Variants in OR5AN1 observed in about 807,000 individuals in gnomAD.
The protein encoded by OR5AN1 is olfactory receptor 5AN1.
For missense variants in OR5AN1, 476 were observed against 368.9 expected, an observed-to-expected ratio of 1.29 and a Z score of -2.38; for synonymous variants, 167 against 131.8, an observed-to-expected ratio of 1.27 and a Z score of -1.83.
rs780976811 is a variant in OR5AN1 at position 59,365,071 on chromosome 11, A to G, written c.613A>G (p.Met205Val). The G allele has an allele frequency of 8.1e-6, 13 of 1,614,034 alleles. No individual in the cohort carries two copies. In the African/African-American group the frequency reaches 1.2e-4, roughly 15 times the overall value. Reference protein sequence around the residue: ...FVQVMTAILTMFFGIASALVI... With the variant: ...FVQVMTAILTVFFGIASALVI... The stretch of plus-strand genomic sequence containing the variant: ...ACAGGTCATGACTGCTATATTAACC[A>G]TGTTCTTTGGGATAGCAAGTGCCCT... The change falls in exon 2 of 2, where the codon ATG becomes GTG. Residue 205 changes from methionine (M) to valine (V), a missense_variant. Physicochemically the swap from Met to Val is conservative, Grantham distance 21. Coordinates refer to ENST00000641998, the MANE Select transcript of OR5AN1 (RefSeq NM_001004729.2).
rs1857537762 is a variant in OR5AN1 at position 59,366,657 on chromosome 11, T to C, written c.*1263T>C. 1.3e-5 allele frequency: 2 copies of C among 152,220 alleles called. No homozygotes were observed. Among genetic ancestry groups the C allele is most frequent in the African/African-American group, 2.4e-5 (1 of 41,452 alleles). 9.4% of individuals were successfully genotyped at this position (152,220 alleles called of 1,614,324 possible). A position where few individuals can be genotyped will look rare whatever the true frequency, so the allele number is the denominator to read the frequency against. Reference sequence around the variant, plus strand: ...TGCCTCAGTTTTCTCATTTGTAAAATTGAGATATTATATATCTATTTTGGA... The same window carrying C: ...TGCCTCAGTTTTCTCATTTGTAAAACTGAGATATTATATATCTATTTTGGA... On this transcript the variant is annotated 3_prime_UTR_variant, in exon 2 of 2. Transcript: ENST00000641998.
chr11:59,369,408 C>T lies in OR5AN1; in HGVS notation c.*4014C>T, dbSNP rs1427679816. On this transcript the variant is annotated 3_prime_UTR_variant, in exon 2 of 2. Transcript: ENST00000641998. ...GACACAGAAGCTGAAAGAAAAATAG[C>T]CAGTATAAAAAAGCACTTAGTGGGT... 1 of 152,018 alleles carries T rather than the reference C, an allele frequency of 6.6e-6. No individual in the cohort carries two copies. Among genetic ancestry groups the T allele is most frequent in the Admixed American group, 6.6e-5 (1 of 15,250 alleles). The allele number at this position is 152,018 out of a possible 1,614,324, so 9.4% of individuals were successfully genotyped here. A position where few individuals can be genotyped will look rare whatever the true frequency, so the allele number is the denominator to read the frequency against.
intron 1 of OR5AN1, chr11:59,359,523 T>C (rs546806767): frequency 6.6e-6 from 1 of 152,278 alleles, no homozygotes; most frequent in South Asian, 2.1e-4. Flanking sequence ...TTAATTTAAT[T>C]TTTGCTCTTC....
In OR5AN1 at chr11:59,371,532, T is replaced by A. The variant is rs1179852354; in HGVS notation, c.*6138T>A. 6.6e-6 allele frequency: 1 copy of A among 152,204 alleles called. No homozygotes were observed. The highest frequency in any genetic ancestry group is 1.5e-5 in the Non-Finnish European group (1 of 68,050). 9.4% of individuals were successfully genotyped at this position (152,204 alleles called of 1,614,324 possible). ...TGCTCCAGCTTCCAGGACTCCTCCC[T>A]ATGCCAGAGACATTATAATAACAGA... On this transcript the variant is annotated 3_prime_UTR_variant, in exon 2 of 2. Coordinates refer to ENST00000641998, the MANE Select transcript of OR5AN1 (RefSeq NM_001004729.2).
chr11:59,365,019 C>T lies in OR5AN1; in HGVS notation c.561C>T (p.Ile187=). 1 of 1,614,116 alleles carries T rather than the reference C, an allele frequency of 6.2e-7. No individual in the cohort carries two copies. The highest frequency in any genetic ancestry group is 2.2e-5 in the East Asian group (1 of 44,870). The change falls in exon 2 of 2, where the codon ATC becomes ATT. Residue 187 remains isoleucine (I), a synonymous_variant. Coordinates refer to ENST00000641998, the MANE Select transcript of OR5AN1 (RefSeq NM_001004729.2). ...TCTGTGACATGCCCCAACTGTTAAT[C>T]TTGTCCTGTACTGACACTTTCTTTG... ...HFFCDMPQLL[I]LSCTDTFFVQ... is the part of the protein sequence containing the mutation.
Position 59,369,851 on chromosome 11 carries a change from G to A in OR5AN1, c.*4457G>A, listed in dbSNP as rs969651863. ...AGGTCAAAATAAAAGAATGTTAAAG[G>A]CAGCTATAAGGAAAGGGTGAGTCAT... On this transcript the variant is annotated 3_prime_UTR_variant, in exon 2 of 2. Coordinates refer to ENST00000641998, the MANE Select transcript of OR5AN1 (RefSeq NM_001004729.2). 1 of 152,060 alleles carries A rather than the reference G, an allele frequency of 6.6e-6. No homozygotes were observed. Among genetic ancestry groups the A allele is most frequent in the Non-Finnish European group, 1.5e-5 (1 of 68,018 alleles). 9.4% of individuals were successfully genotyped at this position (152,060 alleles called of 1,614,324 possible).
At chr11:59,363,276 T>C (rs1045238796) in intron 1 of OR5AN1, among the ~76,000 whole-genome samples, 3 of 152,234 alleles carry the variant, frequency 2.0e-5, no homozygotes, top group Admixed American at 6.5e-5. Context: ...TAGAAGCTTT[T>C]ATTGTCCTTA....
rs868597294 is a variant in OR5AN1, at chr11:59,358,900, T to G, written c.-386T>G. ...AATGATCCCCACTTGAGGCCATCTC[T>G]CTTGCTGTGAGTGGACAGCCAATTT... On this transcript the variant is annotated 5_prime_UTR_variant, in exon 1 of 2. Coordinates refer to ENST00000641998, the MANE Select transcript of OR5AN1 (RefSeq NM_001004729.2). 2 of 152,206 alleles carry G rather than the reference T, an allele frequency of 1.3e-5. No homozygotes were observed. The highest frequency in any genetic ancestry group is 4.1e-4 in the South Asian group (2 of 4,824). 9.4% of individuals were successfully genotyped at this position (152,206 alleles called of 1,614,324 possible).
intron 1 of OR5AN1, among the ~76,000 whole-genome samples, chr11:59,361,140 A>G (rs916976159): frequency 1.1e-4 from 17 of 152,244 alleles, no homozygotes; most frequent in African/African-American, 3.6e-4. Flanking sequence ...ATCATTTGTC[A>G]ACAATATCTT....
At chr11:59,361,552 A>G (rs937081134) in intron 1 of OR5AN1, among the ~76,000 whole-genome samples, 1 of 152,328 alleles carries the variant, frequency 6.6e-6, no homozygotes, top group Middle Eastern at 3.4e-3. Flanking sequence ...TAGTGCTGGG[A>G]TTATAGGTCT....
At position 59,369,934 on chromosome 11, in the gene OR5AN1, C is replaced by T. The variant is rs1857575723; in HGVS notation, c.*4540C>T. 6.6e-6 allele frequency: 1 copy of T among 152,160 alleles called. No individual in the cohort carries two copies. The highest frequency in any genetic ancestry group is 2.1e-4 in the South Asian group (1 of 4,812). 9.4% of individuals were successfully genotyped at this position (152,160 alleles called of 1,614,324 possible). A position where few individuals can be genotyped will look rare whatever the true frequency, so the allele number is the denominator to read the frequency against. On this transcript the variant is annotated 3_prime_UTR_variant, in exon 2 of 2. Transcript: ENST00000641998. ...ACCTCTCCACTGGTACCCTACAAGC[C>T]AGAAGAGTTTGGGGTTTTGTCTTCC...
chr11:59,364,372 C>G (rs1263915093), intron 1 of OR5AN1, 74 bp from the exon 2 acceptor site: 1 of 859,234 alleles, frequency 1.2e-6, no homozygotes, highest in Non-Finnish European at 1.8e-6. Context: ...AAAAGATGTA[C>G]ACATATGAAG....
At chr11:59,364,355 T>C (rs1176531280) in intron 1 of OR5AN1, 91 bp from the exon 2 acceptor site, 4 of 757,648 alleles carry the variant, frequency 5.3e-6, no homozygotes, top group Non-Finnish European at 8.5e-6. Flanking sequence ...CCAGTGCTTG[T>C]TGGAAGAAAA....
rs1302345839 is a variant in OR5AN1 at position 59,365,313 on chromosome 11, G to A, written c.855G>A (p.Met285Ile). Reference sequence around the variant, plus strand: ...TTTTCTACACTGTGGTCATTCCCATGTTAAATCCCTTGATTTACAGTTTGA... The same window carrying A: ...TTTTCTACACTGTGGTCATTCCCATATTAAATCCCTTGATTTACAGTTTGA... ...ASVFYTVVIP[M>I]LNPLIYSLRN... is the part of the protein sequence containing the mutation. Residue 285 changes from methionine (M) to isoleucine (I), a missense_variant, in exon 2 of 2, where the codon ATG becomes ATA. Met to Ile is a conservative substitution (Grantham distance 10). Transcript: ENST00000641998. 1.9e-6 allele frequency: 3 copies of A among 1,612,934 alleles called. No individual in the cohort carries two copies. In the South Asian group the frequency reaches 3.3e-5, roughly 18 times the overall value.
At position 59,369,689 on chromosome 11, in the gene OR5AN1, AT is replaced by A. The variant is rs1225031503; in HGVS notation, c.*4298del. 3 of 152,374 alleles carry A rather than the reference AT, an allele frequency of 2.0e-5. No individual in the cohort carries two copies. Among genetic ancestry groups the A allele is most frequent in the Non-Finnish European group, 4.4e-5 (3 of 68,040 alleles). 9.4% of individuals were successfully genotyped at this position (152,374 alleles called of 1,614,324 possible). On this transcript the variant is annotated 3_prime_UTR_variant, in exon 2 of 2. Coordinates refer to ENST00000641998, the MANE Select transcript of OR5AN1 (RefSeq NM_001004729.2). ...AGGAAGAAAACAACTTGGAAAATAT[AT>A]TTCAGAATATTGTCCATGAAAATAT...
At position 59,369,153 on chromosome 11, in the gene OR5AN1, T is replaced by C. The variant is rs1287614527; in HGVS notation, c.*3759T>C. ...CTCTGCAGTTAAAGAAACACCCACA[T>C]GCAGAGATGAGAAAAAAAAAACAAT... On this transcript the variant is annotated 3_prime_UTR_variant, in exon 2 of 2. Transcript: ENST00000641998. The C allele has an allele frequency of 1.6e-5, 2 of 122,576 alleles. No homozygotes were observed. Among genetic ancestry groups the C allele is most frequent in the East Asian group, 2.4e-4 (1 of 4,148 alleles). The allele number at this position is 122,576 out of a possible 1,614,324, so 7.6% of individuals were successfully genotyped here. A position where few individuals can be genotyped will look rare whatever the true frequency, so the allele number is the denominator to read the frequency against.
intron 1 of OR5AN1, 57 bp from the exon 2 acceptor site, chr11:59,364,389 A>G: frequency 9.7e-7 from 1 of 1,026,586 alleles, no homozygotes; most frequent in Non-Finnish European, 1.5e-6. Context: ...GAAGACGGTA[A>G]TGTTATCACT....
At chr11:59,363,783 AAC>A (rs1327939436) in intron 1 of OR5AN1, among the ~76,000 whole-genome samples, 1 of 152,070 alleles carries the variant, frequency 6.6e-6, no homozygotes, top group Non-Finnish European at 1.5e-5. Flanking sequence ...TTGTTGTTGA[AAC>A]AGAGTCTCAC....
In OR5AN1 at chr11:59,365,723, G is replaced by A. The variant is rs1857524828; in HGVS notation, c.*329G>A. 1 of 226,248 alleles carries A rather than the reference G, an allele frequency of 4.4e-6. No individual in the cohort carries two copies. Among genetic ancestry groups the A allele is most frequent in the Non-Finnish European group, 8.6e-6 (1 of 116,204 alleles). The allele number at this position is 226,248 out of a possible 1,614,324, so 14.0% of individuals were successfully genotyped here. On this transcript the variant is annotated 3_prime_UTR_variant, in exon 2 of 2. Transcript: ENST00000641998. ...GTTTCCTGTGGCTTCTCAGATCAAA[G>A]ATGGCTCAATGTTAGGACTTTGCCA... is the stretch of plus-strand genomic sequence containing the variant.
Sources: allele counts gnomAD v4.1 joint callset (sites outside exome capture counted in the v4.1 genomes callset), GRCh38; gene constraint gnomAD v4.1.1; transcripts MANE v1.5; gene names NCBI Gene and HGNC (gene_info 2026-07-23, HGNC 2026-07-21).